The following KLHL3 variants were observed in gnomAD, a reference collection of about 807,000 sequenced individuals.
KLHL3 encodes kelch-like protein 3.
A neutral mutation model predicts 70.5 loss-of-function variants in KLHL3; 19 were observed. The ratio of observed to expected loss-of-function variants is 0.27; its 90% CI spans 0.19 to 0.40. The LOEUF is 0.40. KLHL3 is among the 10% of genes least tolerant of loss of function. The pLI, the probability that KLHL3 is intolerant of heterozygous loss-of-function variation, is 1.00. For missense variants in KLHL3, 512 were observed against 771.1 expected, an observed-to-expected ratio of 0.66 and a Z score of 3.98; for synonymous variants, 258 against 290.3, an observed-to-expected ratio of 0.89 and a Z score of 1.13.
At chr5:137,637,204 C>A in intron 11 of KLHL3, 90 bp downstream of exon 11, 1 of 1,025,542 alleles carries the variant, frequency 9.8e-7, no homozygotes, top group Non-Finnish European at 1.5e-6. Context: ...AAAAAAAACA[C>A]GGTAGAGGAA....
chr5:137,626,934 G>A (rs1750476866), intron 13 of KLHL3, among the ~76,000 whole-genome samples: 1 of 151,904 alleles, frequency 6.6e-6, no homozygotes, highest in African/African-American at 2.4e-5. Context: ...AGCCCAGGAG[G>A]CAGAGTTGCA....
chr5:137,634,660 C>T (rs1476077908), intron 11 of KLHL3, among the ~76,000 whole-genome samples: 1 of 152,214 alleles, frequency 6.6e-6, no homozygotes, highest in African/African-American at 2.4e-5. Flanking sequence ...GTCTCTACCC[C>T]TTCCACAACC....
intron 1 of KLHL3, among the ~76,000 whole-genome samples, chr5:137,729,006 A>G (rs1317556373): frequency 6.6e-6 from 1 of 152,088 alleles, no homozygotes; most frequent in African/African-American, 2.4e-5. Flanking sequence ...AAAAGAAAAA[A>G]CAAATGAGGA....
intron 5 of KLHL3, among the ~76,000 whole-genome samples, chr5:137,690,738 A>G (rs1407759213): frequency 6.6e-6 from 1 of 152,162 alleles, no homozygotes; most frequent in East Asian, 1.9e-4. Flanking sequence ...AATGGAGCAA[A>G]TGCTTGTTGC....
At chr5:137,660,669 G>A (rs931014482) in intron 7 of KLHL3, 1 of 152,148 alleles carries the variant, frequency 6.6e-6, no homozygotes, top group Non-Finnish European at 1.5e-5. Context: ...ACCAGCAGAC[G>A]AGTTTACAAG....
rs1756257903 is a variant in KLHL3, at chr5:137,617,556, T to C, written c.*4542A>G. The C allele has an allele frequency of 6.6e-6, 1 of 152,268 alleles. No homozygotes were observed. The highest frequency in any genetic ancestry group is 1.5e-5 in the Non-Finnish European group (1 of 68,050). The allele number at this position is 152,268 out of a possible 1,614,324, so 9.4% of individuals were successfully genotyped here. A position where few individuals can be genotyped will look rare whatever the true frequency, so the allele number is the denominator to read the frequency against. ...GGATGGGAAATTAGAACATGATTCCTGTTAAAATAATACATTTGAGGAAAT... is the reference window on the plus strand; with the variant it reads ...GGATGGGAAATTAGAACATGATTCCCGTTAAAATAATACATTTGAGGAAAT... On this transcript the variant is annotated 3_prime_UTR_variant, in exon 15 of 15. Transcript: ENST00000309755.
At chr5:137,685,319 A>C (rs1752134718) in intron 5 of KLHL3, among the ~76,000 whole-genome samples, 1 of 152,264 alleles carries the variant, frequency 6.6e-6, no homozygotes. Flanking sequence ...CTGGTTAAAT[A>C]AATTATACTC....
At chr5:137,643,776 C>T (rs1212065048) in intron 8 of KLHL3, among the ~76,000 whole-genome samples, 1 of 152,070 alleles carries the variant, frequency 6.6e-6, no homozygotes, top group Non-Finnish European at 1.5e-5. Context: ...TTGAAATATA[C>T]AATACATTAT....
intron 5 of KLHL3, among the ~76,000 whole-genome samples, chr5:137,678,074 C>T (rs1031381909): frequency 7.9e-5 from 12 of 152,156 alleles, no homozygotes; most frequent in African/African-American, 2.7e-4. Context: ...GTCAGAACTG[C>T]TGTGTGTCTG....
chr5:137,659,467 C>CCCT (rs1449777788), intron 7 of KLHL3, among the ~76,000 whole-genome samples: 3 of 152,166 alleles, frequency 2.0e-5, no homozygotes, highest in African/African-American at 7.2e-5. Context: ...CTGACCACCT[C>CCCT]CCTCCCCAGA....
chr5:137,642,116 TA>T (rs1413534903), intron 8 of KLHL3, among the ~76,000 whole-genome samples: 1 of 152,222 alleles, frequency 6.6e-6, no homozygotes, highest in East Asian at 1.9e-4. Flanking sequence ...TGTTCGTAAA[TA>T]TGCCCAGAAC....
rs1175413084 is a variant in KLHL3, at chr5:137,692,442, C to T, written c.369G>A (p.Leu123=). 1 of 1,613,936 alleles carries T rather than the reference C, an allele frequency of 6.2e-7. No individual in the cohort carries two copies. The highest frequency in any genetic ancestry group is 1.7e-5 in the Admixed American group (1 of 60,018). ...GCTGCAGCAAGCTGGCTGCCGGGAG[C>T]AGCACCTGCAAGAGAAGGTGACATT... is the stretch of plus-strand genomic sequence containing the variant. ...IEVTEENVQV[L]LPAASLLQLM... is the part of the protein sequence containing the mutation. Residue 123 remains leucine, a synonymous_variant, in exon 5 of 15, where the codon CTG becomes CTA. Transcript: ENST00000309755.
At chr5:137,734,249 A>G (rs1208409870) in intron 1 of KLHL3, among the ~76,000 whole-genome samples, 4 of 152,178 alleles carry the variant, frequency 2.6e-5, no homozygotes, top group African/African-American at 7.2e-5. Context: ...TCAATGGGAC[A>G]CTGTTTTGGG....
At position 137,619,032 on chromosome 5, in the gene KLHL3, A is replaced by G. The variant is rs1010590234; in HGVS notation, c.*3066T>C. ...GCAAAGAACACAACATTTCATTATC[A>G]TGGACAATAAAAAGCGATTCAAACT... On this transcript the variant is annotated 3_prime_UTR_variant, in exon 15 of 15. Transcript: ENST00000309755. 1 of 152,532 alleles carries G rather than the reference A, an allele frequency of 6.6e-6. No homozygotes were observed. Among genetic ancestry groups the G allele is most frequent in the Non-Finnish European group, 1.5e-5 (1 of 68,046 alleles). 9.4% of individuals were successfully genotyped at this position (152,532 alleles called of 1,614,324 possible). A position where few individuals can be genotyped will look rare whatever the true frequency, so the allele number is the denominator to read the frequency against.
intron 7 of KLHL3, among the ~76,000 whole-genome samples, chr5:137,660,265 G>A (rs12332613): frequency 0.35 from 53,554 of 152,050 alleles, 10,147 homozygotes; most frequent in East Asian, 0.53. Context: ...CGTTTGTTAA[G>A]CTTCAGTTGT....
intron 5 of KLHL3, 25 bp downstream of exon 5, chr5:137,692,260 G>A: frequency 1.2e-6 from 2 of 1,600,640 alleles, no homozygotes; most frequent in African/African-American, 1.3e-5. Flanking sequence ...CTCGGAGGAG[G>A]TGCAGCAGTC....
At chr5:137,638,482 A>G (rs1178260536) in intron 10 of KLHL3, among the ~76,000 whole-genome samples, 1 of 152,168 alleles carries the variant, frequency 6.6e-6, no homozygotes, top group Admixed American at 6.5e-5. Flanking sequence ...AAGGAGGCTC[A>G]CCTATGGTGA....
At chr5:137,628,018 T>C in intron 13 of KLHL3, 1 of 400,298 alleles carries the variant, frequency 2.5e-6, no homozygotes, top group Non-Finnish European at 4.6e-6. Context: ...CAGAGGACTT[T>C]CCCAGGTCTG....
rs185550968 is a variant in KLHL3, at chr5:137,732,218, G to C, written c.14+3415C>G. On this transcript the variant is annotated intron_variant, in intron 1 of 14. Coordinates refer to ENST00000309755, the MANE Select transcript of KLHL3 (RefSeq NM_017415.3). ...TTATCATTGTAATAGCTAACAGCCA[G>C]AGACCCTTTCCCTTTGCAAAACAGA... Among the ~76,000 whole-genome samples, 4 of 152,162 alleles carry C rather than the reference G, an allele frequency of 2.6e-5. No homozygotes were observed. In the East Asian group the frequency reaches 7.7e-4, roughly 29 times the overall value.
Sources: allele counts gnomAD v4.1 joint callset (sites outside exome capture counted in the v4.1 genomes callset), GRCh38; gene constraint gnomAD v4.1.1; transcripts MANE v1.5; gene names NCBI Gene and HGNC (gene_info 2026-07-23, HGNC 2026-07-21).